The following SCYL3 variants were observed in gnomAD, a reference collection of about 807,000 sequenced individuals.
SCYL3 encodes SCY1 like pseudokinase 3, also known as protein-associating with the carboxyl-terminal domain of ezrin.
Under a neutral mutation model 73.8 loss-of-function variants are expected in SCYL3, and 35 were observed. That is an observed-to-expected ratio of 0.47 (90% CI 0.36 to 0.63). The LOEUF (loss-of-function observed/expected upper bound fraction) is 0.63. SCYL3 is among the 20% of genes least tolerant of loss of function. The pLI, the probability that SCYL3 is intolerant of heterozygous loss-of-function variation, is 0.00. For missense variants in SCYL3, 712 were observed against 798.9 expected (o/e 0.89, Z 1.31); for synonymous variants, 277 against 295.2 (o/e 0.94, Z 0.63).
At chr1:169,864,997 G>T (rs955081407) in intron 8 of SCYL3, among the ~76,000 whole-genome samples, 1 of 88 alleles carries the variant, frequency 0.011, no homozygotes, top group East Asian at 0.1. Context: ...TACAGAAAGT[G>T]TGAGCAAAGC....
chr1:169,881,153 G>A (rs1027527456), intron 2 of SCYL3, among the ~76,000 whole-genome samples: 1 of 152,188 alleles, frequency 6.6e-6, no homozygotes, highest in African/African-American at 2.4e-5. Context: ...GTGTGTGAAT[G>A]AATGTACAAT....
chr1:169,854,227 A>C (rs998979108), intron 12 of SCYL3, 43 bp downstream of exon 12: 21 of 1,450,304 alleles, frequency 1.4e-5, no homozygotes, highest in Non-Finnish European at 1.8e-5. Context: ...TATGAGGGAA[A>C]TCCTAAAGCT....
At chr1:169,887,400 AAC>A (rs2102213572) in intron 2 of SCYL3, among the ~76,000 whole-genome samples, 1 of 152,310 alleles carries the variant, frequency 6.6e-6, no homozygotes, top group South Asian at 2.1e-4. Context: ...CATAAAGTGT[AAC>A]ACAATTTTAA....
chr1:169,890,669 G>T (rs1662020693), intron 1 of SCYL3, among the ~76,000 whole-genome samples: 1 of 152,212 alleles, frequency 6.6e-6, no homozygotes, highest in East Asian at 1.9e-4. Context: ...TAAAATTGAA[G>T]ATTTTCAAAA....
chr1:169,878,888 T>C (rs1661050363), intron 2 of SCYL3, 69 bp from the exon 3 acceptor site: 2 of 1,378,586 alleles, frequency 1.5e-6, no homozygotes, highest in East Asian at 2.3e-5. Context: ...ATATACATTA[T>C]GGGGGAAATC....
intron 2 of SCYL3, among the ~76,000 whole-genome samples, chr1:169,885,095 A>G (rs1448998181): frequency 6.6e-6 from 1 of 152,236 alleles, no homozygotes. Context: ...TCTTGAAAGC[A>G]CTTTCCCCAA....
intron 10 of SCYL3, among the ~76,000 whole-genome samples, chr1:169,862,302 ATTACT>A (rs558892495): frequency 2.6e-5 from 4 of 152,288 alleles, no homozygotes; most frequent in East Asian, 1.9e-4. Flanking sequence ...TTCTAATTTA[ATTACT>A]TTATAATAAT....
intron 8 of SCYL3, among the ~76,000 whole-genome samples, chr1:169,864,720 G>C (rs1659905807): frequency 6.6e-6 from 1 of 152,166 alleles, no homozygotes; most frequent in Non-Finnish European, 1.5e-5. Flanking sequence ...AGCACTTTGG[G>C]CGGCCGCGGC....
Position 169,852,004 on chromosome 1 carries a change from A to T in SCYL3, c.*1709T>A. Reference sequence around the variant, plus strand: ...ATTCTGCCCTTTTTACTTACTGACGAAACAAACCAGTGTGGTTTCCAGCCT... The same window carrying T: ...ATTCTGCCCTTTTTACTTACTGACGTAACAAACCAGTGTGGTTTCCAGCCT... On this transcript the variant is annotated 3_prime_UTR_variant, in exon 13 of 13. Coordinates refer to ENST00000367771, the MANE Select transcript of SCYL3 (RefSeq NM_020423.7). 2 of 1,607,522 alleles carry T rather than the reference A, an allele frequency of 1.2e-6. No individual in the cohort carries two copies. The highest frequency in any genetic ancestry group is 1.7e-6 in the Non-Finnish European group (2 of 1,175,492).
At chr1:169,867,015 AG>A (rs755671314) in intron 7 of SCYL3, 42 bp from the exon 8 acceptor site, 2 of 1,129,256 alleles carry the variant, frequency 1.8e-6, no homozygotes, top group Non-Finnish European at 2.6e-6. Flanking sequence ...AACAGATTAG[AG>A]AATGTTAAAT....
At chr1:169,884,677 T>C (rs757917946) in intron 2 of SCYL3, among the ~76,000 whole-genome samples, 3 of 152,264 alleles carry the variant, frequency 2.0e-5, no homozygotes, top group Non-Finnish European at 2.9e-5. Flanking sequence ...TCATTTCAAA[T>C]AATTTTCAAA....
chr1:169,877,836 T>G (rs1353336614), intron 3 of SCYL3, among the ~76,000 whole-genome samples: 4 of 152,230 alleles, frequency 2.6e-5, no homozygotes, highest in East Asian at 3.8e-4. Flanking sequence ...TCATGCGAAC[T>G]TGTAAATGCA....
Position 169,852,607 on chromosome 1 carries a change from GATAAACC to G in SCYL3, c.*1099_*1105del. 1 of 621,374 alleles carries G rather than the reference GATAAACC, an allele frequency of 1.6e-6. No homozygotes were observed. The highest frequency in any genetic ancestry group is 2.8e-6 in the Non-Finnish European group (1 of 359,352). 38.5% of individuals were successfully genotyped at this position (621,374 alleles called of 1,614,324 possible). A position where few individuals can be genotyped will look rare whatever the true frequency, so the allele number is the denominator to read the frequency against. ...TGGTAGTAGCACTCTGAATTGCTAT[GATAAACC>G]AAAATGCCTTTACATATTTTTCTAG... On this transcript the variant is annotated 3_prime_UTR_variant, in exon 13 of 13. Transcript: ENST00000367771.
chr1:169,849,843 T>TAGG lies in SCYL3; in HGVS notation c.*3869_*3870insCCT. 1 of 523,412 alleles carries TAGG rather than the reference T, an allele frequency of 1.9e-6. No individual in the cohort carries two copies. The highest frequency in any genetic ancestry group is 2.3e-5 in the South Asian group (1 of 43,858). The allele number at this position is 523,412 out of a possible 1,614,324, so 32.4% of individuals were successfully genotyped here. ...CCAGAACAGGCATACACAGCAGGCC[T>TAGG]ACTGATACAGACAGACACAGACACA... On this transcript the variant is annotated 3_prime_UTR_variant, in exon 13 of 13. Transcript: ENST00000367771.
At chr1:169,871,608 G>C (rs183909836) in intron 5 of SCYL3, among the ~76,000 whole-genome samples, 20 of 152,320 alleles carry the variant, frequency 1.3e-4, no homozygotes, top group Non-Finnish European at 8.8e-5. Context: ...GCAAAGGCTG[G>C]AACAGTTTGG....
intron 10 of SCYL3, 112 bp downstream of exon 10, chr1:169,862,501 G>A: frequency 9.0e-7 from 1 of 1,117,020 alleles, no homozygotes; most frequent in Non-Finnish European, 1.3e-6. Context: ...GTATTCCACA[G>A]ACTGCTGCCT....
At chr1:169,870,145 A>C in intron 6 of SCYL3, 110 bp downstream of exon 6, 1 of 770,810 alleles carries the variant, frequency 1.3e-6, no homozygotes, top group Non-Finnish European at 2.0e-6. Flanking sequence ...TGGTAAGCAA[A>C]AGATTCCTTA....
rs58984684 is a variant in SCYL3 at position 169,851,045 on chromosome 1, CTTTTTTTTTTTTT to C, written c.*2655_*2667del. 5.8e-5 allele frequency: 1 copy of C among 17,306 alleles called. No homozygotes were observed. The allele number at this position is 17,306 out of a possible 1,614,324, so 1.1% of individuals were successfully genotyped here. On this transcript the variant is annotated 3_prime_UTR_variant, in exon 13 of 13. Coordinates refer to ENST00000367771, the MANE Select transcript of SCYL3 (RefSeq NM_020423.7). ...CCCAAGCCAGGGTAAGCTCAGGGCC[CTTTTTTTTTTTTT>C]TTTTTTTTTTTTTTTGGCATGGCTT...
At chr1:169,887,779 C>A (rs901246680) in intron 2 of SCYL3, among the ~76,000 whole-genome samples, 4 of 152,098 alleles carry the variant, frequency 2.6e-5, no homozygotes, top group Non-Finnish European at 5.9e-5. Context: ...ATCAAAAATA[C>A]AACATCAAAT....
Sources: allele counts gnomAD v4.1 joint callset (sites outside exome capture counted in the v4.1 genomes callset), GRCh38; gene constraint gnomAD v4.1.1; transcripts MANE v1.5; gene names NCBI Gene and HGNC (gene_info 2026-07-23, HGNC 2026-07-21).